TMTC1: variants seen among roughly 807,000 people sequenced by gnomAD.
TMTC1 encodes the protein transmembrane O-mannosyltransferase targeting cadherins 1.
TMTC1 carries 73 observed loss-of-function variants against 104.8 expected under a neutral mutation model. The ratio of observed to expected loss-of-function variants is 0.70; its 90% confidence interval spans 0.58 to 0.85. The LOEUF is 0.85. TMTC1 is among the 40% of genes least tolerant of loss of function. The pLI is 0.00. For synonymous variants in TMTC1, 434 were observed against 428.7 expected (o/e 1.01, Z -0.15); for missense variants, 1,035 against 1,096.1 (o/e 0.94, Z 0.79).
rs879602127 is a variant in TMTC1 at position 29,725,011 on chromosome 12, G to GTTTTTTTTTTTTTTTTTTTTTTTTTTTT, written c.938+26654_938+26655insAAAAAAAAAAAAAAAAAAAAAAAAAAAA. ...CGTAGTTTAGCTATATATCTGCCAA[G>GTTTTTTTTTTTTTTTTTTTTTTTTTTTT]TTCTTTTTTTTTTTTTTTTTTTTTT... is the stretch of plus-strand genomic sequence containing the variant. On this transcript the variant is annotated intron_variant, in intron 5 of 17. Coordinates refer to ENST00000539277, the MANE Select transcript of TMTC1 (RefSeq NM_001193451.2). Among the ~76,000 whole-genome samples the GTTTTTTTTTTTTTTTTTTTTTTTTTTTT allele has an allele frequency of 1.5e-4, 17 of 115,720 alleles. 5 individuals carry two copies. The highest frequency in any genetic ancestry group is 2.5e-4 in the African/African-American group (8 of 32,276). 75.9% of individuals were successfully genotyped at this position (115,720 alleles called of 152,430 possible).
chr12:29,551,912 A>G (rs1487460928), intron 10 of TMTC1, among the ~76,000 whole-genome samples: 3 of 152,272 alleles, frequency 2.0e-5, no homozygotes, highest in Non-Finnish European at 4.4e-5. Context: ...GCTGCACAGC[A>G]TCATGACATA....
intron 10 of TMTC1, 145 bp downstream of exon 10, chr12:29,556,712 G>A: frequency 1.2e-6 from 1 of 848,700 alleles, no homozygotes; most frequent in South Asian, 2.2e-5. Context: ...AAATTGAGAT[G>A]CATGTTACAC....
intron 5 of TMTC1, among the ~76,000 whole-genome samples, chr12:29,658,076 G>C (rs758107363): frequency 6.6e-6 from 1 of 152,126 alleles, no homozygotes; most frequent in Non-Finnish European, 1.5e-5. Flanking sequence ...CTGGGAGACA[G>C]AGTGAGACTC....
intron 5 of TMTC1, among the ~76,000 whole-genome samples, chr12:29,671,683 T>G (rs942528366): frequency 1.3e-5 from 2 of 152,214 alleles, no homozygotes; most frequent in African/African-American, 2.4e-5. Flanking sequence ...TTAGCAGAAC[T>G]GGGATTTGAA....
chr12:29,561,075 A>C (rs943145620), intron 9 of TMTC1, among the ~76,000 whole-genome samples: 9 of 152,110 alleles, frequency 5.9e-5, no homozygotes, highest in African/African-American at 2.2e-4. Flanking sequence ...TAAATAATAG[A>C]TTATAAAAAA....
At chr12:29,702,981 C>T (rs893811461) in intron 5 of TMTC1, among the ~76,000 whole-genome samples, 11 of 151,770 alleles carry the variant, frequency 7.2e-5, no homozygotes, top group African/African-American at 2.4e-4. Flanking sequence ...TGCGTCTCTA[C>T]TAAAATATAA....
rs779514394 is a variant in TMTC1 at position 29,556,992 on chromosome 12, G to T, written c.1541C>A (p.Pro514Gln). 6.2e-6 allele frequency: 10 copies of T among 1,613,824 alleles called. No individual in the cohort carries two copies. The highest frequency in any genetic ancestry group is 8.5e-7 in the Non-Finnish European group (1 of 1,179,942). Residue 514 changes from proline (P) to glutamine (Q), a missense_variant, in exon 10 of 18, where the codon CCA (proline) becomes CAA (glutamine). Transcript: ENST00000539277. ...GTTGTTGAGCGCACTTGCATGGCGT[G>T]GATACAACCTGAAAAGTTAAAAATA... is the stretch of plus-strand genomic sequence containing the variant. The part of the protein sequence containing the change: ...YHYRTALKLY[P>Q]RHASALNNLG...
chr12:29,633,501 T>C (rs1938401573), intron 5 of TMTC1, among the ~76,000 whole-genome samples, 165 bp from the exon 6 acceptor site: 1 of 152,198 alleles, frequency 6.6e-6, no homozygotes, highest in Non-Finnish European at 1.5e-5. Flanking sequence ...ATTCATTAAA[T>C]TGATAGATTT....
At chr12:29,727,336 G>C (rs1317905100) in intron 5 of TMTC1, among the ~76,000 whole-genome samples, 1 of 152,082 alleles carries the variant, frequency 6.6e-6, no homozygotes, top group Non-Finnish European at 1.5e-5. Flanking sequence ...GAACTTGGGG[G>C]ACCAAAACCC....
intron 5 of TMTC1, among the ~76,000 whole-genome samples, chr12:29,723,864 G>A (rs1942306834): frequency 6.6e-6 from 1 of 152,070 alleles, no homozygotes; most frequent in East Asian, 1.9e-4. Flanking sequence ...TTATTCATAT[G>A]GATAACAAGA....
intron 5 of TMTC1, among the ~76,000 whole-genome samples, chr12:29,722,920 CA>C (rs60730102): frequency 0.022 from 2,272 of 104,426 alleles, 34 homozygotes; most frequent in African/African-American, 0.075. Context: ...GACTCTGTCT[CA>C]AAAAAAAAAA....
intron 7 of TMTC1, among the ~76,000 whole-genome samples, chr12:29,593,216 C>T (rs1200070776): frequency 6.6e-6 from 1 of 151,978 alleles, no homozygotes; most frequent in African/African-American, 2.4e-5. Context: ...GACAAGGGCT[C>T]AATATTTCCT....
At chr12:29,616,497 G>A (rs546460347) in intron 6 of TMTC1, among the ~76,000 whole-genome samples, 106 of 151,922 alleles carry the variant, frequency 7.0e-4, no homozygotes, top group African/African-American at 2.3e-3. Context: ...GTGAAACTCC[G>A]TCTCTACTAA....
At chr12:29,599,871 T>C (rs12424502) in intron 7 of TMTC1, among the ~76,000 whole-genome samples, 6,040 of 151,582 alleles carry the variant, frequency 0.04, 288 homozygotes, top group African/African-American at 0.11. Flanking sequence ...CAGGATGTCA[T>C]TGAGTACACC....
chr12:29,745,315 C>T lies in TMTC1; in HGVS notation c.938+6351G>A, dbSNP rs142207809. ...ACAGGGTCTTAGCAAAAACGATGGT[C>T]AATTCACTACATTAAAAAGAAACTA... On this transcript the variant is annotated intron_variant, in intron 5 of 17. Transcript: ENST00000539277. 8.9e-4 allele frequency among the ~76,000 whole-genome samples: 135 copies of T among 152,114 alleles called. 2 individuals carry two copies. The highest frequency in any genetic ancestry group is 5.4e-3 in the East Asian group (28 of 5,174).
intron 1 of TMTC1, among the ~76,000 whole-genome samples, chr12:29,771,028 C>G (rs921530936): frequency 1.3e-5 from 2 of 152,054 alleles, no homozygotes; most frequent in Non-Finnish European, 2.9e-5. Context: ...TAGCAAACAC[C>G]AAGAGTAGTG....
chr12:29,691,129 T>C (rs1476781833), intron 5 of TMTC1, among the ~76,000 whole-genome samples: 4 of 151,904 alleles, frequency 2.6e-5, no homozygotes, highest in Non-Finnish European at 5.9e-5. Context: ...GGTTTAGGAG[T>C]CATGCAGCCT....
At chr12:29,740,321 G>A (rs936279387) in intron 5 of TMTC1, among the ~76,000 whole-genome samples, 2 of 152,186 alleles carry the variant, frequency 1.3e-5, no homozygotes, top group African/African-American at 4.8e-5. Context: ...TTGAGTCAGT[G>A]GGCTGGGGAA....
At chr12:29,610,706 C>G (rs1254846381) in intron 6 of TMTC1, among the ~76,000 whole-genome samples, 2 of 152,210 alleles carry the variant, frequency 1.3e-5, no homozygotes, top group African/African-American at 4.8e-5. Flanking sequence ...TGTTTAGGGA[C>G]AGTCCTCTTG....
Sources: gnomAD v4.1 joint callset for allele counts (sites outside exome capture counted in the v4.1 genomes callset) on GRCh38, gnomAD v4.1.1 for gene constraint, MANE v1.5 for transcripts, NCBI Gene and HGNC (gene_info 2026-07-23, HGNC 2026-07-21) for gene names.